PTPRD: variants seen among roughly 807,000 people sequenced by gnomAD.
PTPRD encodes the protein protein tyrosine phosphatase receptor type D, also known as receptor-type tyrosine-protein phosphatase delta.
A neutral mutation model predicts 214.5 loss-of-function variants in PTPRD; 34 were observed. That is an observed-to-expected ratio of 0.16 (90% confidence interval 0.12 to 0.21). PTPRD has a LOEUF of 0.21. PTPRD is among the 10% of genes least tolerant of loss of function. The pLI is 1.00. For synonymous variants in PTPRD, 1,128 were observed against 845.7 expected, an observed-to-expected ratio of 1.33 and a Z score of -5.79; for missense variants, 2,545 against 2,398.7, an observed-to-expected ratio of 1.06 and a Z score of -1.27.
At position 8,465,690 on chromosome 9, in the gene PTPRD, T is replaced by C. The variant is rs761320555; in HGVS notation, c.3505-15A>G. On this transcript the variant is annotated splice_polypyrimidine_tract_variant and intron_variant, in intron 31 of 45. Transcript: ENST00000381196. Reference sequence around the variant, plus strand: ...TCCTTAAGCAGCTTAAGGAAAAAAGTGGGAAACAGAAAAAGAACTGTAAAT... The same window carrying C: ...TCCTTAAGCAGCTTAAGGAAAAAAGCGGGAAACAGAAAAAGAACTGTAAAT... 6.3e-7 allele frequency: 1 copy of C among 1,587,474 alleles called. No individual in the cohort carries two copies. Among genetic ancestry groups the C allele is most frequent in the Non-Finnish European group, 8.6e-7 (1 of 1,166,426 alleles).
At position 10,148,955 on chromosome 9, in the gene PTPRD, T is replaced by C. The variant is rs141933282; in HGVS notation, c.-544-115165A>G. On this transcript the variant is annotated intron_variant, in intron 3 of 45. Coordinates refer to ENST00000381196, the MANE Select transcript of PTPRD (RefSeq NM_002839.4). ...TAGAGCTGAATAGTAGCAGAGAGTG[T>C]GATATGTGAGAACAGAAATGTGGTT... 7.1e-3 allele frequency among the ~76,000 whole-genome samples: 1,076 copies of C among 152,304 alleles called. 16 individuals are homozygous for C. Among genetic ancestry groups the C allele is most frequent in the African/African-American group, 0.025 (1,022 of 41,578 alleles).
intron 9 of PTPRD, among the ~76,000 whole-genome samples, chr9:9,349,989 C>T (rs996073478): frequency 2.0e-5 from 3 of 152,034 alleles, no homozygotes; most frequent in Non-Finnish European, 2.9e-5. Context: ...TAGATGTAAC[C>T]TTGGTCCTTG....
chr9:8,456,150 T>C (rs1248282743), intron 33 of PTPRD, among the ~76,000 whole-genome samples: 4 of 152,320 alleles, frequency 2.6e-5, no homozygotes, highest in South Asian at 2.1e-4. Context: ...TGCCAGGCAC[T>C]CTACTAGGCA....
intron 9 of PTPRD, among the ~76,000 whole-genome samples, chr9:9,276,420 G>A (rs1477195812): frequency 6.6e-6 from 1 of 151,322 alleles, no homozygotes. Flanking sequence ...AGGTCAACAG[G>A]AACTGTTTTG....
At chr9:8,445,025 C>T (rs1330991916) in intron 34 of PTPRD, among the ~76,000 whole-genome samples, 1 of 152,110 alleles carries the variant, frequency 6.6e-6, no homozygotes, top group Non-Finnish European at 1.5e-5. Context: ...ACTTGTAAAA[C>T]TTGATCAGCA....
intron 26 of PTPRD, among the ~76,000 whole-genome samples, chr9:8,494,261 T>C (rs191870300): frequency 2.6e-5 from 4 of 152,258 alleles, no homozygotes; most frequent in Admixed American, 2.0e-4. Flanking sequence ...ATATGACAGT[T>C]TCTGGGAACA....
intron 5 of PTPRD, among the ~76,000 whole-genome samples, chr9:9,811,167 G>C (rs1565443718): frequency 6.6e-6 from 1 of 152,056 alleles, no homozygotes; most frequent in Non-Finnish European, 1.5e-5. Flanking sequence ...TTGTGACATA[G>C]TACCTCAGCC....
At chr9:9,753,345 T>C (rs908710096) in intron 6 of PTPRD, among the ~76,000 whole-genome samples, 1 of 151,976 alleles carries the variant, frequency 6.6e-6, no homozygotes, top group Admixed American at 6.6e-5. Context: ...ATTTGTGTTA[T>C]GAAGTGAATT....
At chr9:9,126,686 A>C (rs534342335) in intron 10 of PTPRD, among the ~76,000 whole-genome samples, 1 of 152,352 alleles carries the variant, frequency 6.6e-6, no homozygotes, top group African/African-American at 2.4e-5. Context: ...GTAGTAAGGT[A>C]AATCAGGAAA....
intron 11 of PTPRD, among the ~76,000 whole-genome samples, chr9:8,750,583 G>A (rs909010623): frequency 1.3e-5 from 2 of 152,164 alleles, no homozygotes; most frequent in Non-Finnish European, 2.9e-5. Flanking sequence ...GACAGGAAAG[G>A]ACCCTAGAGA....
chr9:9,144,481 C>T (rs546834162), intron 10 of PTPRD, among the ~76,000 whole-genome samples: 4 of 152,084 alleles, frequency 2.6e-5, no homozygotes, highest in Non-Finnish European at 4.4e-5. Context: ...AGGCCGGGTG[C>T]GGTGACCCAT....
chr9:8,544,784 A>G (rs1431912718), intron 14 of PTPRD, among the ~76,000 whole-genome samples: 2 of 151,938 alleles, frequency 1.3e-5, no homozygotes, highest in Non-Finnish European at 2.9e-5. Flanking sequence ...ATTACTTTCA[A>G]TGGTAAAACA....
intron 11 of PTPRD, among the ~76,000 whole-genome samples, chr9:8,776,916 GTATAATAT>G (rs2095506148): frequency 1.4e-5 from 1 of 71,790 alleles, no homozygotes; most frequent in Non-Finnish European, 2.8e-5. Flanking sequence ...TATAATATAT[GTATAATAT>G]ATAAATATGA....
At chr9:9,273,288 G>A (rs1943672090) in intron 9 of PTPRD, among the ~76,000 whole-genome samples, 1 of 151,214 alleles carries the variant, frequency 6.6e-6, no homozygotes, top group Non-Finnish European at 1.5e-5. Context: ...TAACAGCACT[G>A]TGAAACAATC....
At chr9:9,397,352 G>C (rs1403391115) in intron 9 of PTPRD, 97 bp downstream of exon 9, 1 of 152,234 alleles carries the variant, frequency 6.6e-6, no homozygotes. Flanking sequence ...CTCATTCAAA[G>C]AATTTTAACC....
chr9:8,346,002 G>A (rs1003524816), intron 39 of PTPRD, among the ~76,000 whole-genome samples: 1 of 151,926 alleles, frequency 6.6e-6, no homozygotes, highest in Non-Finnish European at 1.5e-5. Flanking sequence ...TTCTTTTTCA[G>A]CACAAGTGGA....
chr9:8,722,768 T>C (rs918565388), intron 12 of PTPRD, among the ~76,000 whole-genome samples: 5 of 152,214 alleles, frequency 3.3e-5, no homozygotes, highest in Admixed American at 1.3e-4. Context: ...GTAGACTTAA[T>C]TGCATGTTTC....
chr9:8,384,617 T>C (rs2086333211), intron 37 of PTPRD, among the ~76,000 whole-genome samples: 1 of 152,130 alleles, frequency 6.6e-6, no homozygotes, highest in African/African-American at 2.4e-5. Flanking sequence ...AACCTCTGTC[T>C]CCCGGGTCAA....
intron 8 of PTPRD, among the ~76,000 whole-genome samples, chr9:9,454,806 G>A (rs1158418126): frequency 2.0e-5 from 3 of 151,088 alleles, no homozygotes; most frequent in African/African-American, 7.3e-5. Flanking sequence ...CAAAAGACAG[G>A]TGAATCAGAT....
Sources: allele counts gnomAD v4.1 joint callset (sites outside exome capture counted in the v4.1 genomes callset), GRCh38; gene constraint gnomAD v4.1.1; transcripts MANE v1.5; gene names NCBI Gene and HGNC (gene_info 2026-07-23, HGNC 2026-07-21).